Variants in LZTFL1 observed in about 807,000 individuals in gnomAD.
LZTFL1 encodes the protein leucine zipper transcription factor-like protein 1.
A neutral mutation model predicts 45.9 loss-of-function variants in LZTFL1; 25 were observed. The ratio of observed to expected loss-of-function variants is 0.54; its 90% CI spans 0.40 to 0.76. The LOEUF (loss-of-function observed/expected upper bound fraction) is 0.76. LZTFL1 is among the 30% of genes least tolerant of loss of function. LZTFL1 has a pLI of 0.00. For missense variants in LZTFL1, 277 were observed against 331.1 expected (o/e 0.84, Z 1.27); for synonymous variants, 93 against 117.4 (o/e 0.79, Z 1.35).
At chr3:45,887,526 T>A (rs1407819745) in intron 2 of LZTFL1, among the ~76,000 whole-genome samples, 1 of 152,218 alleles carries the variant, frequency 6.6e-6, no homozygotes, top group South Asian at 2.1e-4. Context: ...GAATTAGCTG[T>A]TACTCCATAG....
At chr3:45,888,535 T>A (rs1702051092) in intron 2 of LZTFL1, among the ~76,000 whole-genome samples, 1 of 152,204 alleles carries the variant, frequency 6.6e-6, no homozygotes, top group African/African-American at 2.4e-5. Flanking sequence ...GCACATTGAA[T>A]AAGTGGGTTC....
intron 2 of LZTFL1, chr3:45,897,447 G>A (rs2236938): frequency 0.14 from 97,818 of 724,478 alleles, 10,884 homozygotes; most frequent in African/African-American, 0.46. Flanking sequence ...CAATGTCCTT[G>A]TCTGGGATTC....
intron 1 of LZTFL1, among the ~76,000 whole-genome samples, chr3:45,839,085 A>G (rs1701038599): frequency 1.1e-5 from 1 of 93,272 alleles, no homozygotes. Flanking sequence ...AACAAAGCAT[A>G]AATACAGATT....
chr3:45,841,529 C>A (rs528768425), intron 1 of LZTFL1, among the ~76,000 whole-genome samples: 3 of 152,116 alleles, frequency 2.0e-5, no homozygotes, highest in Non-Finnish European at 4.4e-5. Context: ...CTGGTTACCG[C>A]GCGCGCGCGT....
At chr3:45,896,889 C>T (rs1213227811) in intron 2 of LZTFL1, among the ~76,000 whole-genome samples, 1 of 152,210 alleles carries the variant, frequency 6.6e-6, no homozygotes, top group Non-Finnish European at 1.5e-5. Flanking sequence ...GTCCATTCCC[C>T]AGAGAGGGGC....
Position 45,829,311 on chromosome 3 carries a change from A to G in LZTFL1, c.601-696T>C, listed in dbSNP as rs148893843. Among the ~76,000 whole-genome samples the G allele has an allele frequency of 1.1e-4, 16 of 152,312 alleles. No homozygotes were observed. The East Asian group carries it at 3.1e-3, about 29-fold the overall frequency. Reference sequence around the variant, plus strand: ...ACAATTGGTTAATATGTAGATGAAGAAATACTTAGTACTTTCAAGTGGCTC... The same window carrying G: ...ACAATTGGTTAATATGTAGATGAAGGAATACTTAGTACTTTCAAGTGGCTC... On this transcript the variant is annotated intron_variant, in intron 7 of 9. Transcript: ENST00000296135.
chr3:45,830,477 TAAGTA>T (rs1032991690), intron 7 of LZTFL1, among the ~76,000 whole-genome samples: 1 of 152,184 alleles, frequency 6.6e-6, no homozygotes, highest in African/African-American at 2.4e-5. Context: ...AAGGCAAACT[TAAGTA>T]ATGTTCAGTA....
intron 2 of LZTFL1, among the ~76,000 whole-genome samples, chr3:45,883,081 G>C (rs1167373222): frequency 6.6e-6 from 1 of 152,028 alleles, no homozygotes; most frequent in Non-Finnish European, 1.5e-5. Flanking sequence ...TTCTTCCTAG[G>C]ATTTAGAAAT....
rs990668318 is a variant in LZTFL1, at chr3:45,823,548, A to G, written c.*2766T>C. ...AAAGCCTCCAAACCAGTTGTCACCA[A>G]CCCACTCACCTCTATTCAAGACAGA... is the stretch of plus-strand genomic sequence containing the variant. On this transcript the variant is annotated 3_prime_UTR_variant, in exon 10 of 10. Coordinates refer to ENST00000296135, the MANE Select transcript of LZTFL1 (RefSeq NM_020347.4). 2 of 152,282 alleles carry G rather than the reference A, an allele frequency of 1.3e-5. No homozygotes were observed. The highest frequency in any genetic ancestry group is 1.3e-4 in the Admixed American group (2 of 15,284). The allele number at this position is 152,282 out of a possible 1,614,324, so 9.4% of individuals were successfully genotyped here.
intron 7 of LZTFL1, among the ~76,000 whole-genome samples, chr3:45,829,892 A>G (rs558124088): frequency 6.6e-6 from 1 of 152,360 alleles, no homozygotes; most frequent in Admixed American, 6.5e-5. Context: ...TGTCATTGGC[A>G]TATAATGGTT....
chr3:45,876,257 C>T (rs188845402), intron 2 of LZTFL1, among the ~76,000 whole-genome samples: 6 of 152,186 alleles, frequency 3.9e-5, no homozygotes, highest in Non-Finnish European at 5.9e-5. Flanking sequence ...AGGAGGAACC[C>T]AGGGTAATTT....
chr3:45,871,697 C>T (rs1183674462), intron 2 of LZTFL1, among the ~76,000 whole-genome samples: 5 of 151,450 alleles, frequency 3.3e-5, no homozygotes, highest in African/African-American at 4.9e-5. Context: ...CATAGAGTGA[C>T]GCTAACACCC....
chr3:45,909,747 G>A (rs1490655362), intron 2 of LZTFL1, among the ~76,000 whole-genome samples: 2 of 152,244 alleles, frequency 1.3e-5, no homozygotes, highest in East Asian at 1.9e-4. Flanking sequence ...GCCTCACGCC[G>A]TGGGTGGCAC....
At chr3:45,913,067 G>C in intron 2 of LZTFL1, 2 of 1,496,152 alleles carry the variant, frequency 1.3e-6, no homozygotes, top group East Asian at 2.5e-5. Flanking sequence ...TCCTACAGCT[G>C]TCTCAGCATA....
intron 2 of LZTFL1, among the ~76,000 whole-genome samples, chr3:45,899,098 G>A (rs866588206): frequency 3.3e-5 from 5 of 152,318 alleles, no homozygotes; most frequent in Middle Eastern, 3.4e-3. Context: ...CCTGGGAGGC[G>A]GAGGTTGCAG....
At chr3:45,841,057 A>C (rs1263461299) in intron 1 of LZTFL1, among the ~76,000 whole-genome samples, 1 of 152,132 alleles carries the variant, frequency 6.6e-6, no homozygotes, top group Non-Finnish European at 1.5e-5. Flanking sequence ...AGAGATACCA[A>C]TTTTTTTGTG....
chr3:45,854,814 C>G (rs1185960225), intron 4 of LZTFL1, among the ~76,000 whole-genome samples: 1 of 152,158 alleles, frequency 6.6e-6, no homozygotes, highest in Non-Finnish European at 1.5e-5. Context: ...CTGCTGCTTC[C>G]AGCACATCCT....
At chr3:45,898,038 CT>C (rs1302021789) in intron 2 of LZTFL1, among the ~76,000 whole-genome samples, 1 of 141,776 alleles carries the variant, frequency 7.1e-6, no homozygotes, top group Non-Finnish European at 1.6e-5. Flanking sequence ...AAAAAAAAAA[CT>C]TCAAAAGCAA....
intron 4 of LZTFL1, among the ~76,000 whole-genome samples, chr3:45,833,731 T>C (rs994342610): frequency 6.6e-6 from 1 of 152,246 alleles, no homozygotes; most frequent in African/African-American, 2.4e-5. Flanking sequence ...GCAGTATTTA[T>C]CCAACAATGG....
Sources: gnomAD v4.1 joint callset for allele counts (sites outside exome capture counted in the v4.1 genomes callset) on GRCh38, gnomAD v4.1.1 for gene constraint, MANE v1.5 for transcripts, NCBI Gene and HGNC (gene_info 2026-07-23, HGNC 2026-07-21) for gene names.